TEX9: variants seen among roughly 807,000 people sequenced by gnomAD.
The protein encoded by TEX9 is testis-expressed protein 9.
A neutral mutation model predicts 59.6 loss-of-function variants in TEX9; 74 were observed. The observed-to-expected ratio is 1.24, with a 90% CI of 1.03 to 1.51. The LOEUF is 1.51. Among genes scored for constraint, TEX9 ranks in the 40% most tolerant of loss-of-function variants. The probability of loss-of-function intolerance (pLI) is 0.00; values close to 1 mark genes in which losing one functional copy is unlikely to be tolerated. For missense variants in TEX9, 522 were observed against 447.8 expected, an observed-to-expected ratio of 1.17 and a Z score of -1.49; for synonymous variants, 186 against 152.2, an observed-to-expected ratio of 1.22 and a Z score of -1.64.
chr15:56,273,961 G>A (rs777728681), intron 1 of TEX9, among the ~76,000 whole-genome samples: 14 of 152,066 alleles, frequency 9.2e-5, no homozygotes, highest in Admixed American at 2.6e-4. Context: ...TGACCTTCTC[G>A]TATCTGTGGC....
rs368167669 is a variant in TEX9 at position 56,434,253 on chromosome 15, T to C, written c.*29+5780T>C. On this transcript the variant is annotated intron_variant, in intron 12 of 12. Coordinates refer to ENST00000352903, the Ensembl canonical transcript of TEX9. ...ATTCATTAATTCTATTCGATCATCC[T>C]CAGCAAATTTAGCTAGCATAGTTTT... 1.4e-5 allele frequency: 23 copies of C among 1,613,794 alleles called. No individual in the cohort carries two copies. The highest frequency in any genetic ancestry group is 1.9e-5 in the Non-Finnish European group (23 of 1,179,886).
chr15:56,394,719 G>C (rs1370498802), exon 9 of TEX9: 1 of 1,611,324 alleles, frequency 6.2e-7, no homozygotes, highest in East Asian at 2.2e-5. Context: ...GATTTTATGA[G>C]ACAGCAGCGA....
intron 12 of TEX9, chr15:56,430,139 AT>A (rs1482982516): frequency 6.6e-6 from 1 of 152,192 alleles, no homozygotes; most frequent in African/African-American, 2.4e-5. Flanking sequence ...ATGAAATGGC[AT>A]TTCTATAGCT....
intron 12 of TEX9, among the ~76,000 whole-genome samples, chr15:56,441,709 A>T (rs2050816905): frequency 6.6e-6 from 1 of 152,170 alleles, no homozygotes; most frequent in Non-Finnish European, 1.5e-5. Context: ...AAACAAATTA[A>T]CAACCCTATT....
At chr15:56,279,760 A>C (rs992838354) in intron 1 of TEX9, among the ~76,000 whole-genome samples, 7 of 152,330 alleles carry the variant, frequency 4.6e-5, no homozygotes, top group African/African-American at 1.7e-4. Context: ...CTTACTCCAA[A>C]GTACAGACAA....
rs556355087 is a variant in TEX9 at position 56,392,835 on chromosome 15, T to A, written c.572-1330T>A. Among the ~76,000 whole-genome samples, 4 of 152,250 alleles carry A rather than the reference T, an allele frequency of 2.6e-5. No homozygotes were observed. The East Asian group carries it at 7.7e-4, about 29-fold the overall frequency. On this transcript the variant is annotated intron_variant, in intron 7 of 12. Transcript: ENST00000352903. ...TTGATTGTTCCTCGGTAGAGGAACA[T>A]GGTCCCATGTCCCATGGCCCTGTTA...
chr15:56,412,586 C>A (rs1235862621), intron 10 of TEX9, 150 bp downstream of exon 10: 2 of 847,046 alleles, frequency 2.4e-6, no homozygotes, highest in South Asian at 4.3e-5. Context: ...GCAGTATACA[C>A]ATTTCTAACA....
At chr15:56,358,493 A>C (rs1408374141) in intron 1 of TEX9, among the ~76,000 whole-genome samples, 2 of 152,170 alleles carry the variant, frequency 1.3e-5, no homozygotes, top group African/African-American at 4.8e-5. Context: ...AAAACTGAGA[A>C]TATCGTAGAG....
chr15:56,377,816 G>A (rs920981323), intron 3 of TEX9, among the ~76,000 whole-genome samples: 8 of 151,710 alleles, frequency 5.3e-5, no homozygotes, highest in Non-Finnish European at 7.4e-5. Context: ...AAGGAAAGAC[G>A]GTCAGTTTTT....
chr15:56,249,887 T>G (rs2141290058), intron 1 of TEX9, among the ~76,000 whole-genome samples: 1 of 151,342 alleles, frequency 6.6e-6, no homozygotes, highest in South Asian at 2.1e-4. Context: ...AGGGAGATAC[T>G]CTAACCTCAT....
At chr15:56,267,809 G>A (rs1259373439) in intron 1 of TEX9, among the ~76,000 whole-genome samples, 9 of 152,062 alleles carry the variant, frequency 5.9e-5, no homozygotes, top group Admixed American at 5.9e-4. Flanking sequence ...TTGGCAATGT[G>A]GGCTCTTTTT....
intron 9 of TEX9, among the ~76,000 whole-genome samples, chr15:56,407,915 A>T (rs1377297170): frequency 6.6e-6 from 1 of 151,852 alleles, no homozygotes; most frequent in Admixed American, 6.6e-5. Flanking sequence ...TCTAAAGCTG[A>T]CCCCTGCACT....
chr15:56,263,601 A>C lies in TEX9; in HGVS notation c.-107+19323A>C, dbSNP rs74018608. On this transcript the variant is annotated intron_variant, in intron 1 of 5. Transcript: ENST00000560827. ...GTAAAGTTCACCATTCTTACTAGAT[A>C]GTTCTATGAGTTTTGAGAAATGCAT... 4.6e-3 allele frequency among the ~76,000 whole-genome samples: 702 copies of C among 152,270 alleles called. 12 individuals carry two copies. The highest frequency in any genetic ancestry group is 0.016 in the African/African-American group (685 of 41,544).
intron 1 of TEX9, among the ~76,000 whole-genome samples, chr15:56,324,761 A>G (rs1209729679): frequency 6.6e-6 from 1 of 152,172 alleles, no homozygotes; most frequent in East Asian, 1.9e-4. Flanking sequence ...TAGCTAAGTC[A>G]TGATGCATCT....
chr15:56,459,225 T>C, the TEX9 span, among the ~76,000 whole-genome samples: 1 of 152,266 alleles, frequency 6.6e-6, no homozygotes, highest in African/African-American at 2.4e-5. Context: ...TGGCCTTTTG[T>C]ATCTGGTTTA....
At chr15:56,458,761 C>T in the TEX9 span, among the ~76,000 whole-genome samples, 80 of 152,240 alleles carry the variant, frequency 5.3e-4, no homozygotes, top group Non-Finnish European at 7.4e-5. Flanking sequence ...TAAAGTTCCT[C>T]CACATCTTTT....
chr15:56,446,324 G>C (rs2050902613), downstream of TEX9, among the ~76,000 whole-genome samples: 2 of 152,002 alleles, frequency 1.3e-5, no homozygotes, highest in East Asian at 3.9e-4. Flanking sequence ...AGCACTCCTA[G>C]TGAGTATGCC....
intron 1 of TEX9, among the ~76,000 whole-genome samples, chr15:56,314,668 T>G (rs1307903413): frequency 6.6e-6 from 1 of 152,172 alleles, no homozygotes; most frequent in Non-Finnish European, 1.5e-5. Context: ...TATTAGGTCT[T>G]CTTGGTGCAG....
intron 12 of TEX9, among the ~76,000 whole-genome samples, chr15:56,436,794 A>G (rs2050733781): frequency 6.6e-6 from 1 of 152,192 alleles, no homozygotes; most frequent in South Asian, 2.1e-4. Flanking sequence ...GATCCAACGG[A>G]AATACTACCA....
Sources: allele counts gnomAD v4.1 joint callset (sites outside exome capture counted in the v4.1 genomes callset), GRCh38; gene constraint gnomAD v4.1.1; transcripts MANE v1.5; gene names NCBI Gene and HGNC (gene_info 2026-07-23, HGNC 2026-07-21).